Variants in GPHN observed in about 807,000 individuals in gnomAD.
GPHN encodes gephyrin.
Under a neutral mutation model 95.5 loss-of-function variants are expected in GPHN, and 17 were observed. The observed-to-expected ratio is 0.18, with a 90% CI of 0.12 to 0.27. The LOEUF is 0.27. GPHN is among the 10% of genes least tolerant of loss of function. The pLI, the probability that GPHN is intolerant of heterozygous loss-of-function variation, is 1.00. For synonymous variants in GPHN, 320 were observed against 322.5 expected, an observed-to-expected ratio of 0.99 and a Z score of 0.08; for missense variants, 660 against 978.1, an observed-to-expected ratio of 0.67 and a Z score of 4.34.
At chr14:66,767,454 A>G (rs868534413) in intron 2 of GPHN, among the ~76,000 whole-genome samples, 15 of 151,470 alleles carry the variant, frequency 9.9e-5, no homozygotes, top group South Asian at 2.1e-4. Context: ...AAAAAAAAAA[A>G]AAAAGAAAAG....
chr14:67,389,526 ATCTCT>A, the GPHN span, among the ~76,000 whole-genome samples: 1 of 152,024 alleles, frequency 6.6e-6, no homozygotes, highest in Non-Finnish European at 1.5e-5. Flanking sequence ...GCTTTGAGTA[ATCTCT>A]TCTGCACTGT....
At chr14:66,762,761 G>T (rs1038336675) in intron 2 of GPHN, among the ~76,000 whole-genome samples, 48 of 152,070 alleles carry the variant, frequency 3.2e-4, no homozygotes, top group African/African-American at 1.2e-3. Context: ...TAAAGTGGAA[G>T]CAAAGACTCT....
Position 67,089,021 on chromosome 14 carries a change from A to G in GPHN, c.1183A>G (p.Lys395Glu). Residue 395 changes from lysine (K) to glutamate (E), a missense_variant, in exon 12 of 23, where the codon AAA becomes GAA. Physicochemically the swap from Lys to Glu is moderately conservative, Grantham distance 56. This residue lies in a region of GPHN where 257 missense variants were observed against 376.2 expected (regional missense o/e 0.68). Coordinates refer to ENST00000478722, the MANE Select transcript of GPHN (RefSeq NM_020806.5). ...GRVLAQDVYA[K>E]DNLPPFPASV... Reference sequence around the variant, plus strand: ...AGTCCTTGCTCAAGATGTATATGCAAAAGACAATTTACCCCCCTTCCCAGC... The same window carrying G: ...AGTCCTTGCTCAAGATGTATATGCAGAAGACAATTTACCCCCCTTCCCAGC... 1 of 1,606,540 alleles carries G rather than the reference A, an allele frequency of 6.2e-7. No homozygotes were observed. The highest frequency in any genetic ancestry group is 8.5e-7 in the Non-Finnish European group (1 of 1,173,092).
At chr14:67,592,059 T>C in the GPHN span, 3 of 158,384 alleles carry the variant, frequency 1.9e-5, no homozygotes, top group African/African-American at 7.4e-5. Flanking sequence ...AAAAAAAGTG[T>C]ACAGTAGTAG....
chr14:66,805,993 G>A (rs192062774), intron 3 of GPHN, among the ~76,000 whole-genome samples: 38 of 152,322 alleles, frequency 2.5e-4, no homozygotes, highest in African/African-American at 8.9e-4. Context: ...CACTGCCCTA[G>A]CAGAGGTTCT....
chr14:67,573,428 A>C, the GPHN span: 2 of 1,163,736 alleles, frequency 1.7e-6, no homozygotes, highest in Non-Finnish European at 2.6e-6. The surrounding 1 kb of genome is among the most constrained non-coding windows in gnomAD (Gnocchi z 4.8). Flanking sequence ...AAAGGTCTCC[A>C]CATCACACCC....
At chr14:67,392,248 C>T in the GPHN span, 2 of 978,490 alleles carry the variant, frequency 2.0e-6, no homozygotes, top group Non-Finnish European at 3.3e-6. Context: ...CTCAGCCCTT[C>T]CCTTCTTCTG....
At chr14:67,290,752 C>A in the GPHN span, among the ~76,000 whole-genome samples, 1 of 151,956 alleles carries the variant, frequency 6.6e-6, no homozygotes, top group Non-Finnish European at 1.5e-5. Context: ...CCAGGCTGGT[C>A]TCCACCTCCT....
At chr14:67,112,697 C>T (rs891809770) in intron 15 of GPHN, among the ~76,000 whole-genome samples, 1 of 152,110 alleles carries the variant, frequency 6.6e-6, no homozygotes, top group Non-Finnish European at 1.5e-5. Flanking sequence ...GGTATTTTTA[C>T]TATAATGTAA....
At chr14:67,052,471 A>G (rs1221760487) in intron 10 of GPHN, among the ~76,000 whole-genome samples, 1 of 152,192 alleles carries the variant, frequency 6.6e-6, no homozygotes, top group Non-Finnish European at 1.5e-5. Flanking sequence ...GAGACCTACA[A>G]AGAGACTTAG....
the GPHN span, among the ~76,000 whole-genome samples, chr14:67,238,953 T>A: frequency 3.6e-4 from 55 of 152,306 alleles, no homozygotes; most frequent in Middle Eastern, 6.8e-3. Flanking sequence ...ATAACTAATA[T>A]TTTTATAGCA....
chr14:67,041,352 T>G (rs555417881), intron 10 of GPHN, among the ~76,000 whole-genome samples: 3 of 152,112 alleles, frequency 2.0e-5, no homozygotes, highest in African/African-American at 7.2e-5. Flanking sequence ...TTTCTCCTAA[T>G]GTTATCCCTC....
intron 9 of GPHN, among the ~76,000 whole-genome samples, chr14:66,974,827 C>T (rs973550171): frequency 1.3e-5 from 2 of 152,118 alleles, no homozygotes; most frequent in African/African-American, 4.8e-5. Context: ...TTTCTGGAGT[C>T]TGACAGGCCT....
intron 2 of GPHN, among the ~76,000 whole-genome samples, chr14:66,703,079 G>C (rs1374833364): frequency 6.6e-6 from 1 of 152,126 alleles, no homozygotes; most frequent in Non-Finnish European, 1.5e-5. Context: ...AAGGCATGCA[G>C]ACAAGAGTAG....
At chr14:66,518,142 CA>C (rs140918454) in intron 1 of GPHN, among the ~76,000 whole-genome samples, 14 of 148,720 alleles carry the variant, frequency 9.4e-5, no homozygotes, top group African/African-American at 2.7e-4. Context: ...AAAAACAAAA[CA>C]AAAAAAACCC....
At chr14:67,043,477 T>C (rs2074827097) in intron 10 of GPHN, among the ~76,000 whole-genome samples, 1 of 152,248 alleles carries the variant, frequency 6.6e-6, no homozygotes, top group African/African-American at 2.4e-5. Context: ...TTTCTGCATC[T>C]ATTAAGATAA....
At chr14:67,679,824 T>A in the GPHN span, among the ~76,000 whole-genome samples, 12 of 152,146 alleles carry the variant, frequency 7.9e-5, no homozygotes, top group African/African-American at 2.9e-4. Flanking sequence ...AGTCAAAGTT[T>A]TAAAAAAAAT....
the GPHN span, among the ~76,000 whole-genome samples, chr14:67,698,698 T>A: frequency 6.6e-6 from 1 of 152,202 alleles, no homozygotes. Context: ...GTTATACTTC[T>A]CCTGAAAAGA....
At chr14:67,156,920 C>T (rs141659811) in intron 18 of GPHN, among the ~76,000 whole-genome samples, 1,826 of 150,576 alleles carry the variant, frequency 0.012, 18 homozygotes, top group Non-Finnish European at 0.018. Flanking sequence ...CAACGTGAGC[C>T]GAGATCGCGC....
Sources: gnomAD v4.1 joint callset for allele counts (sites outside exome capture counted in the v4.1 genomes callset) on GRCh38, gnomAD v4.1.1 for gene constraint, gnomAD v4.1.1 regional missense constraint, Gnocchi (gnomAD v3.1) non-coding constraint, MANE v1.5 for transcripts, NCBI Gene and HGNC (gene_info 2026-07-23, HGNC 2026-07-21) for gene names.